The following TRIOBP variants were observed in gnomAD, a reference collection of about 807,000 sequenced individuals.
TRIOBP encodes TRIO and F-actin-binding protein.
Under a neutral mutation model 238.8 loss-of-function variants are expected in TRIOBP, and 169 were observed. The ratio of observed to expected loss-of-function variants is 0.71; its 90% CI spans 0.62 to 0.80. The LOEUF is 0.80. TRIOBP is among the 30% of genes least tolerant of loss of function. TRIOBP has a pLI of 0.00. For synonymous variants in TRIOBP, 1,150 were observed against 1,274.4 expected (o/e 0.90, Z 2.08); for missense variants, 2,838 against 3,122.6 (o/e 0.91, Z 2.17).
chr22:37,757,861 T>A lies in TRIOBP; in HGVS notation c.5936T>A (p.Leu1979Gln), dbSNP rs727503524. The A allele has an allele frequency of 1.9e-6, 3 of 1,552,412 alleles. No individual in the cohort carries two copies. Among genetic ancestry groups the A allele is most frequent in the Non-Finnish European group, 2.6e-6 (3 of 1,148,094 alleles). ...AAGCAGGAGGAGCTGGAGCGGGACC[T>A]GGCCCAGCGCTCCGAGGAGCGGCGC... is the stretch of plus-strand genomic sequence containing the variant. ...LAKQEELERD[L>Q]AQRSEERRKW... Residue 1979 changes from leucine to glutamine, a missense_variant, in exon 16 of 24, where the codon CTG becomes CAG. By Grantham distance (113) the Leu-to-Gln change is moderately radical. This residue lies in a region of TRIOBP where 2,096 missense variants were observed against 2,137.4 expected (regional missense o/e 0.98). Transcript: ENST00000644935.
intron 21 of TRIOBP, among the ~76,000 whole-genome samples, chr22:37,771,400 G>A (rs1926765559): frequency 6.6e-6 from 1 of 152,128 alleles, no homozygotes; most frequent in African/African-American, 2.4e-5. Context: ...GCTGCATGAG[G>A]GCTGCAGCAG....
At chr22:37,717,372 A>T (rs1447290421) in intron 6 of TRIOBP, among the ~76,000 whole-genome samples, 3 of 152,170 alleles carry the variant, frequency 2.0e-5, no homozygotes, top group Non-Finnish European at 4.4e-5. Flanking sequence ...AGAGGACCCG[A>T]GCGGGTTGCC....
intron 11 of TRIOBP, 118 bp downstream of exon 11, chr22:37,741,150 G>T: frequency 7.3e-7 from 1 of 1,361,290 alleles, no homozygotes; most frequent in Non-Finnish European, 1.0e-6. Flanking sequence ...GGCACCTAGG[G>T]CCGTCGCATG....
intron 2 of TRIOBP, among the ~76,000 whole-genome samples, chr22:37,700,266 A>ATTTT (rs35388184): frequency 7.4e-6 from 1 of 134,526 alleles, no homozygotes; most frequent in Non-Finnish European, 1.6e-5. Context: ...GGGAATCTAG[A>ATTTT]TTTTTTTTTT....
chr22:37,774,677 C>T lies in TRIOBP; in HGVS notation c.*897C>T, dbSNP rs542270914. ...TCTCCCTTAGTACAGACTGTGACGC[C>T]CCCAGTGTGGCTTGCAGGCTAGTGG... On this transcript the variant is annotated 3_prime_UTR_variant, in exon 24 of 24. Transcript: ENST00000644935. The T allele has an allele frequency of 3.3e-5, 5 of 152,394 alleles. No individual in the cohort carries two copies. The East Asian group carries it at 7.7e-4, about 23-fold the overall frequency. 9.4% of individuals were successfully genotyped at this position (152,394 alleles called of 1,614,324 possible). A position where few individuals can be genotyped will look rare whatever the true frequency, so the allele number is the denominator to read the frequency against.
intron 3 of TRIOBP, 140 bp downstream of exon 3, chr22:37,701,619 C>T: frequency 1.5e-6 from 1 of 667,302 alleles, no homozygotes; most frequent in Non-Finnish European, 2.8e-6. Flanking sequence ...TCCCACATTG[C>T]AGGGAAGTGG....
At chr22:37,756,289 C>T (rs929840987) in intron 15 of TRIOBP, among the ~76,000 whole-genome samples, 5 of 152,012 alleles carry the variant, frequency 3.3e-5, no homozygotes, top group African/African-American at 7.3e-5. Context: ...AGTGAGACCT[C>T]GTCCCTACAA....
chr22:37,763,094 G>A (rs1410834852), intron 17 of TRIOBP, among the ~76,000 whole-genome samples: 1 of 152,164 alleles, frequency 6.6e-6, no homozygotes, highest in East Asian at 1.9e-4. Context: ...GTCAGCCCCT[G>A]CACCCCTGAG....
intron 15 of TRIOBP, 124 bp from the exon 16 acceptor site, chr22:37,757,489 C>T (rs930920620): frequency 7.3e-7 from 1 of 1,365,998 alleles, no homozygotes; most frequent in East Asian, 2.5e-5. Flanking sequence ...CGGGCTGCTT[C>T]CTTCCCTGGG....
chr22:37,697,868 C>G (rs902556413), intron 2 of TRIOBP, among the ~76,000 whole-genome samples, 172 bp downstream of exon 2: 4 of 151,994 alleles, frequency 2.6e-5, no homozygotes, highest in Admixed American at 2.6e-4. Flanking sequence ...TGTTGGTGGC[C>G]TTAGGGGCAC....
chr22:37,765,364 G>A (rs997309339), intron 17 of TRIOBP, among the ~76,000 whole-genome samples: 1 of 152,162 alleles, frequency 6.6e-6, no homozygotes, highest in African/African-American at 2.4e-5. Context: ...TGCTGCAACC[G>A]TAACTGTGAG....
At chr22:37,701,554 C>T (rs1335159173) in intron 3 of TRIOBP, 75 bp downstream of exon 3, 1 of 1,105,350 alleles carries the variant, frequency 9.0e-7, no homozygotes, top group East Asian at 2.5e-5. Context: ...GTGGTGTCCG[C>T]TAACTCGCAG....
intron 3 of TRIOBP, among the ~76,000 whole-genome samples, chr22:37,704,003 G>A (rs1466168181): frequency 6.6e-6 from 1 of 152,120 alleles, no homozygotes; most frequent in African/African-American, 2.4e-5. Context: ...TTTCCCACCC[G>A]AGACCGTGGG....
chr22:37,728,307 G>A (rs1264737451), intron 7 of TRIOBP, among the ~76,000 whole-genome samples: 2 of 148,966 alleles, frequency 1.3e-5, no homozygotes. Context: ...AGTGGCACAC[G>A]CCTGTAGTCC....
At chr22:37,718,214 C>T (rs1435433036) in intron 6 of TRIOBP, among the ~76,000 whole-genome samples, 1 of 152,220 alleles carries the variant, frequency 6.6e-6, no homozygotes, top group African/African-American at 2.4e-5. Context: ...TTCCCGCTCG[C>T]GCCTCTCCCT....
chr22:37,697,789 G>A (rs569367041), intron 2 of TRIOBP, 93 bp downstream of exon 2: 1 of 152,516 alleles, frequency 6.6e-6, no homozygotes, highest in East Asian at 1.9e-4. Flanking sequence ...CCTCCCCCTG[G>A]GGCTCTGTGT....
chr22:37,746,243 C>T (rs890466216), intron 11 of TRIOBP: 27 of 1,040,578 alleles, frequency 2.6e-5, no homozygotes, highest in African/African-American at 5.6e-5. Context: ...GTTTTATGGG[C>T]GGATGGAAGG....
chr22:37,769,064 G>C lies in TRIOBP; in HGVS notation c.6612G>C (p.Val2204=). The change falls in exon 20 of 24, where the codon GTG becomes GTC. Residue 2204 remains valine (V), a synonymous_variant. Transcript: ENST00000644935. ...AGGCACTGAAGCGAGAGCTGCAGGTGCTATCGGAGCAGTACTCGCAGAAGT... is the reference window on the plus strand; with the variant it reads ...AGGCACTGAAGCGAGAGCTGCAGGTCCTATCGGAGCAGTACTCGCAGAAGT... ...DVEALKRELQ[V]LSEQYSQKCL... is the part of the protein sequence containing the mutation. 1 of 1,613,572 alleles carries C rather than the reference G, an allele frequency of 6.2e-7. No individual in the cohort carries two copies. Among genetic ancestry groups the C allele is most frequent in the Non-Finnish European group, 8.5e-7 (1 of 1,180,030 alleles).
chr22:37,741,801 G>A (rs1924946843), intron 11 of TRIOBP, among the ~76,000 whole-genome samples: 1 of 152,206 alleles, frequency 6.6e-6, no homozygotes, highest in Non-Finnish European at 1.5e-5. Flanking sequence ...TGAGAGAAGG[G>A]TTGTAGCCAA....
Sources: gnomAD v4.1 joint callset for allele counts (sites outside exome capture counted in the v4.1 genomes callset) on GRCh38, gnomAD v4.1.1 for gene constraint, gnomAD v4.1.1 regional missense constraint, MANE v1.5 for transcripts, NCBI Gene and HGNC (gene_info 2026-07-23, HGNC 2026-07-21) for gene names.